Variants in AVEN observed in about 807,000 individuals in gnomAD.
The protein encoded by AVEN is apoptosis and caspase activation inhibitor.
In AVEN, 41 loss-of-function variants were observed where a neutral mutation model predicts 38.1. The ratio of observed to expected loss-of-function variants is 1.08; its 90% CI spans 0.84 to 1.40. The LOEUF is 1.40. Among genes scored for constraint, AVEN ranks in the 40% most tolerant of loss-of-function variants. AVEN has a pLI of 0.00. For synonymous variants in AVEN, 206 were observed against 171.8 expected, an observed-to-expected ratio of 1.20 and a Z score of -1.56; for missense variants, 605 against 438.8, an observed-to-expected ratio of 1.38 and a Z score of -3.38.
rs758764557 is a variant in AVEN, at chr15:34,038,912, CCCGCCGCCGCCT to C, written c.123_134del (p.Gly42_Gly45del). ...CACGGCCCCGGCGTCCGCCTCCGTC[CCCGCCGCCGCCT>C]CCGCCGCCGCCTCTGGCTACCGCCG... On this transcript the variant is annotated inframe_deletion, in exon 1 of 6. Coordinates refer to ENST00000306730, the MANE Select transcript of AVEN (RefSeq NM_020371.3). The C allele has an allele frequency of 0.2, 218,847 of 1,111,526 alleles. 23,238 individuals carry two copies. The highest frequency in any genetic ancestry group is 0.27 in the Middle Eastern group (682 of 2,546). 68.9% of individuals were successfully genotyped at this position (1,111,526 alleles called of 1,614,324 possible).
intron 2 of AVEN, among the ~76,000 whole-genome samples, chr15:33,967,097 T>C (rs476121): frequency 0.8 from 122,355 of 152,086 alleles, 54,292 homozygotes; most frequent in Non-Finnish European, 0.97. Flanking sequence ...TTCAGTATCA[T>C]GCAATGTTAA....
intron 1 of AVEN, among the ~76,000 whole-genome samples, chr15:34,013,758 G>T (rs962855796): frequency 1.3e-5 from 2 of 152,156 alleles, no homozygotes; most frequent in African/African-American, 4.8e-5. Context: ...GGGGAATGGG[G>T]GACATCTTCA....
At chr15:33,946,204 A>G (rs78266952) in intron 2 of AVEN, among the ~76,000 whole-genome samples, 1 of 152,326 alleles carries the variant, frequency 6.6e-6, no homozygotes, top group African/African-American at 2.4e-5. Context: ...GGAAGCATAA[A>G]TCTGTAAGGA....
intron 1 of AVEN, among the ~76,000 whole-genome samples, chr15:34,024,472 C>CA (rs10531898): frequency 0.019 from 1,970 of 101,824 alleles, 63 homozygotes; most frequent in African/African-American, 0.069. Context: ...GACCCTGTCT[C>CA]AAAAAAAAAA....
intron 1 of AVEN, among the ~76,000 whole-genome samples, chr15:34,029,932 G>C (rs1015712344): frequency 6.6e-6 from 1 of 152,150 alleles, no homozygotes; most frequent in African/African-American, 2.4e-5. Flanking sequence ...CAGCTCACTA[G>C]AATGTGAACT....
chr15:33,897,949 G>A (rs184458802), intron 2 of AVEN, among the ~76,000 whole-genome samples: 1 of 152,272 alleles, frequency 6.6e-6, no homozygotes, highest in Non-Finnish European at 1.5e-5. Flanking sequence ...CAGCACTTTG[G>A]GAGGTCGAAG....
chr15:33,992,658 CAAG>C lies in AVEN; in HGVS notation c.445+10371_445+10373del, dbSNP rs1234163939. On this transcript the variant is annotated intron_variant, in intron 2 of 5. Transcript: ENST00000306730. ...ATATTGGCACAAACTATATACCATA[CAAG>C]AAGAGGGAAAAAAATGAGCTGAATC... Among the ~76,000 whole-genome samples, 14 of 9,196 alleles carry C rather than the reference CAAG, an allele frequency of 1.5e-3. No homozygotes were observed. The Admixed American group carries it at 0.017, about 11-fold the overall frequency. The allele number at this position is 9,196 out of a possible 152,430, so 6.0% of individuals were successfully genotyped here.
chr15:33,921,159 A>T (rs1016347880), intron 2 of AVEN, among the ~76,000 whole-genome samples: 1 of 152,234 alleles, frequency 6.6e-6, no homozygotes, highest in Non-Finnish European at 1.5e-5. Flanking sequence ...TTCCATTCTC[A>T]TCACTATTAT....
intron 2 of AVEN, among the ~76,000 whole-genome samples, chr15:33,909,370 C>G (rs2153045039): frequency 1.3e-5 from 2 of 152,252 alleles, no homozygotes; most frequent in South Asian, 4.1e-4. Flanking sequence ...ATGGGAATAA[C>G]CTATTTGCCC....
intron 2 of AVEN, among the ~76,000 whole-genome samples, chr15:33,906,634 C>G (rs1892709810): frequency 6.6e-6 from 1 of 152,118 alleles, no homozygotes; most frequent in South Asian, 2.1e-4. Context: ...GTCACAAAAA[C>G]AGACAAATGC....
chr15:33,956,487 G>A (rs1000060238), intron 2 of AVEN, among the ~76,000 whole-genome samples: 5 of 152,150 alleles, frequency 3.3e-5, no homozygotes, highest in African/African-American at 1.2e-4. Flanking sequence ...TTCATTTTCT[G>A]TGAACAGTCT....
At chr15:34,057,496 C>A (rs1029936822) in intron 5 of AVEN, among the ~76,000 whole-genome samples, 6 of 152,114 alleles carry the variant, frequency 3.9e-5, no homozygotes, top group Admixed American at 3.9e-4. Flanking sequence ...AGTGAACATT[C>A]CCTTGTGTCA....
chr15:33,946,715 C>T (rs1473275185), intron 2 of AVEN, among the ~76,000 whole-genome samples: 1 of 152,158 alleles, frequency 6.6e-6, no homozygotes, highest in Non-Finnish European at 1.5e-5. Flanking sequence ...AACAGCCCTC[C>T]AGACAGAGAG....
intron 2 of AVEN, among the ~76,000 whole-genome samples, chr15:33,932,534 T>C (rs1434172880): frequency 2.0e-5 from 3 of 152,092 alleles, no homozygotes; most frequent in Non-Finnish European, 4.4e-5. Flanking sequence ...TACTTTTAAA[T>C]TGTAGGTCTG....
intron 1 of AVEN, among the ~76,000 whole-genome samples, chr15:34,070,880 G>T (rs1385560916): frequency 6.6e-6 from 1 of 152,168 alleles, no homozygotes; most frequent in Admixed American, 6.5e-5. Flanking sequence ...CATGAGGTGG[G>T]ATGGACGGGA....
At chr15:33,865,973 A>G (rs888996897), downstream of AVEN, 6 of 152,858 alleles carry the variant, frequency 3.9e-5, no homozygotes, top group Admixed American at 1.3e-4. Flanking sequence ...ATTCAGAAAA[A>G]AAATCTCAAC....
chr15:33,912,446 CTAAT>C (rs1597223048), intron 2 of AVEN, among the ~76,000 whole-genome samples: 2 of 152,202 alleles, frequency 1.3e-5, no homozygotes, highest in Middle Eastern at 6.8e-3. Flanking sequence ...TATAGAAAAT[CTAAT>C]TAATTATCTA....
At chr15:33,859,476 G>C (rs2080104407) in intron 11 of AVEN, 1 of 1,381,726 alleles carries the variant, frequency 7.2e-7, no homozygotes, top group South Asian at 1.3e-5. Flanking sequence ...CGTGGCTTAG[G>C]GCTGCCACAA....
intron 2 of AVEN, among the ~76,000 whole-genome samples, chr15:33,927,242 G>C (rs1214674068): frequency 6.6e-6 from 1 of 151,162 alleles, no homozygotes; most frequent in African/African-American, 2.4e-5. Context: ...GTGACAGAGC[G>C]AGACTCCATC....
Sources: gnomAD v4.1 joint callset for allele counts (sites outside exome capture counted in the v4.1 genomes callset) on GRCh38, gnomAD v4.1.1 for gene constraint, MANE v1.5 for transcripts, NCBI Gene and HGNC (gene_info 2026-07-23, HGNC 2026-07-21) for gene names.